The following MAP2 variants were observed in gnomAD, a reference collection of about 807,000 sequenced individuals.
MAP2 encodes microtubule-associated protein 2.
A neutral mutation model predicts 137.6 loss-of-function variants in MAP2; 14 were observed. The ratio of observed to expected loss-of-function variants is 0.10; its 90% CI spans 0.07 to 0.16. The LOEUF is 0.16. Among genes scored for constraint, MAP2 ranks in the 10% least tolerant of loss-of-function variants. MAP2 has a pLI of 1.00. For missense variants in MAP2, 2,088 were observed against 2,191.5 expected, an observed-to-expected ratio of 0.95 and a Z score of 0.94; for synonymous variants, 786 against 782.3, an observed-to-expected ratio of 1.00 and a Z score of -0.08.
intron 1 of MAP2, among the ~76,000 whole-genome samples, chr2:209,503,295 C>T (rs2060626927): frequency 1.3e-5 from 2 of 152,086 alleles, no homozygotes; most frequent in Admixed American, 1.3e-4. Context: ...GCCCCCACGC[C>T]CAGCCCTATA....
intron 13 of MAP2, chr2:209,721,979 A>G (rs2071258658): frequency 6.6e-6 from 1 of 152,176 alleles, no homozygotes; most frequent in African/African-American, 2.4e-5. Flanking sequence ...AAATTCCAAG[A>G]TTAGATGGGA....
chr2:209,729,318 C>T (rs746151836), intron 14 of MAP2, among the ~76,000 whole-genome samples: 2 of 152,116 alleles, frequency 1.3e-5, no homozygotes, highest in African/African-American at 4.8e-5. Context: ...ACTTACCTCC[C>T]GACTCATTTC....
intron 2 of MAP2, among the ~76,000 whole-genome samples, chr2:209,533,311 AT>A (rs2065428554): frequency 6.6e-6 from 1 of 151,826 alleles, no homozygotes; most frequent in South Asian, 2.1e-4. Flanking sequence ...CATCTGGCTA[AT>A]TTTTGTATTT....
chr2:209,689,643 G>T (rs924442569), intron 7 of MAP2, among the ~76,000 whole-genome samples: 4 of 152,056 alleles, frequency 2.6e-5, no homozygotes, highest in Non-Finnish European at 1.5e-5. Context: ...GGTTTGGGGG[G>T]TGGTTATTTT....
At chr2:209,561,287 G>A (rs943588676) in intron 2 of MAP2, among the ~76,000 whole-genome samples, 1 of 152,172 alleles carries the variant, frequency 6.6e-6, no homozygotes, top group African/African-American at 2.4e-5. Context: ...ATCTGAACTT[G>A]GCAAAGAAGG....
intron 5 of MAP2, among the ~76,000 whole-genome samples, chr2:209,659,883 A>G (rs2042597544): frequency 6.6e-6 from 1 of 151,750 alleles, no homozygotes; most frequent in South Asian, 2.1e-4. Context: ...CTGAAAATAG[A>G]AAAAATTAGC....
At chr2:209,625,768 G>A (rs570136690) in intron 4 of MAP2, among the ~76,000 whole-genome samples, 13 of 152,216 alleles carry the variant, frequency 8.5e-5, no homozygotes, top group South Asian at 2.1e-4. Flanking sequence ...TTTACTGAAC[G>A]CGCTATAAAT....
intron 5 of MAP2, 59 bp downstream of exon 5, chr2:209,653,491 C>T: frequency 6.6e-7 from 1 of 1,513,708 alleles, no homozygotes; most frequent in Non-Finnish European, 8.9e-7. Flanking sequence ...TCAGTTTAGT[C>T]TGAAAGTGAA....
At chr2:209,685,214 A>C (rs904877927) in intron 7 of MAP2, among the ~76,000 whole-genome samples, 1 of 152,192 alleles carries the variant, frequency 6.6e-6, no homozygotes, top group Admixed American at 6.5e-5. Context: ...CTGTGAGACT[A>C]TGGAAGTAAA....
chr2:209,530,559 ATTAT>A (rs1469202730), intron 2 of MAP2, among the ~76,000 whole-genome samples: 1 of 152,192 alleles, frequency 6.6e-6, no homozygotes, highest in African/African-American at 2.4e-5. Context: ...TCTCTTGCAG[ATTAT>A]TTAATTTGAG....
chr2:209,658,015 G>C (rs2041730737), intron 5 of MAP2, among the ~76,000 whole-genome samples: 1 of 152,118 alleles, frequency 6.6e-6, no homozygotes, highest in Non-Finnish European at 1.5e-5. Context: ...ATTGAAGAAA[G>C]CAAGAGGAAT....
In MAP2 at chr2:209,709,877, G is replaced by T. The variant is rs1301770884; in HGVS notation, c.4733-37G>T. The T allele has an allele frequency of 3.4e-6, 5 of 1,478,230 alleles. No homozygotes were observed. In the South Asian group the frequency reaches 3.6e-5, roughly 11 times the overall value. The allele number at this position is 1,478,230 out of a possible 1,614,324, so 91.6% of individuals were successfully genotyped here. On this transcript the variant is annotated intron_variant, in intron 12 of 15. Transcript: ENST00000682079. ...AGGGATGTTTTGAGGAGAATTGTCT[G>T]ACTCTGGTTTGGTTTTGGTCTTGCT...
intron 1 of MAP2, among the ~76,000 whole-genome samples, chr2:209,492,390 T>A (rs558144812): frequency 6.6e-6 from 1 of 152,292 alleles, no homozygotes; most frequent in South Asian, 2.1e-4. Flanking sequence ...AAGAAAAGGA[T>A]GCCCTCTCTC....
intron 2 of MAP2, among the ~76,000 whole-genome samples, chr2:209,525,988 T>G (rs1577112831): frequency 1.3e-5 from 2 of 152,258 alleles, no homozygotes; most frequent in South Asian, 4.1e-4. Context: ...TTTCTTTTTT[T>G]TCTGGGTAGA....
At chr2:209,516,073 G>A (rs2062454179) in intron 2 of MAP2, among the ~76,000 whole-genome samples, 2 of 152,220 alleles carry the variant, frequency 1.3e-5, no homozygotes, top group South Asian at 4.1e-4. Flanking sequence ...GAGATTACAG[G>A]CGTGAGCCAC....
chr2:209,695,372 A>G lies in MAP2; in HGVS notation c.3202A>G (p.Thr1068Ala), dbSNP rs1272562826. 2.7e-5 allele frequency: 44 copies of G among 1,613,584 alleles called. No homozygotes were observed. The highest frequency in any genetic ancestry group is 3.6e-5 in the Non-Finnish European group (43 of 1,179,784). Residue 1068 changes from threonine to alanine, a missense_variant, in exon 8 of 16, where the codon ACA becomes GCA. Thr to Ala is a moderately conservative substitution (Grantham distance 58). This residue lies in a region of MAP2 where 500 missense variants were observed against 482.9 expected (regional missense o/e 1.04). Coordinates refer to ENST00000682079, the MANE Select transcript of MAP2 (RefSeq NM_001375505.1). Reference sequence around the variant, plus strand: ...GCTAAACATAGATGATAGAAGGGCAACAGAGCTAAAACTTGAGGCTACACA... The same window carrying G: ...GCTAAACATAGATGATAGAAGGGCAGCAGAGCTAAAACTTGAGGCTACACA... The part of the protein sequence containing the change: ...SGLNIDDRRA[T>A]ELKLEATQDM...
intron 3 of MAP2, among the ~76,000 whole-genome samples, chr2:209,620,093 C>T (rs1459387262): frequency 6.6e-6 from 1 of 152,184 alleles, no homozygotes; most frequent in African/African-American, 2.4e-5. Context: ...TTCCTACTCA[C>T]ATCAGGATTT....
At chr2:209,688,698 G>A (rs932635560) in intron 7 of MAP2, among the ~76,000 whole-genome samples, 10 of 152,120 alleles carry the variant, frequency 6.6e-5, no homozygotes, top group African/African-American at 2.4e-4. Context: ...GTGATGGGCT[G>A]CAATGTGTCT....
chr2:209,437,199 A>T (rs1040097444), intron 1 of MAP2, among the ~76,000 whole-genome samples: 1 of 151,640 alleles, frequency 6.6e-6, no homozygotes, highest in African/African-American at 2.4e-5. Flanking sequence ...AATGGGGTGG[A>T]TTTGTTGCTT....
Sources: gnomAD v4.1 joint callset for allele counts (sites outside exome capture counted in the v4.1 genomes callset) on GRCh38, gnomAD v4.1.1 for gene constraint, gnomAD v4.1.1 regional missense constraint, MANE v1.5 for transcripts, NCBI Gene and HGNC (gene_info 2026-07-23, HGNC 2026-07-21) for gene names.